Variants in SLC45A4 observed in about 807,000 individuals in gnomAD.
SLC45A4 encodes solute carrier family 45 member 4.
SLC45A4 carries 32 observed loss-of-function variants against 63.7 expected under a neutral mutation model. That is an observed-to-expected ratio of 0.50 (90% CI 0.38 to 0.67). The LOEUF (loss-of-function observed/expected upper bound fraction) is 0.67, where lower values mean the gene tolerates loss of function less well. Among genes scored for constraint, SLC45A4 ranks in the 30% least tolerant of loss-of-function variants. SLC45A4 has a pLI of 0.00. For synonymous variants in SLC45A4, 535 were observed against 510.0 expected, an observed-to-expected ratio of 1.05 and a Z score of -0.66; for missense variants, 1,027 against 1,157.7, an observed-to-expected ratio of 0.89 and a Z score of 1.64.
intron 1 of SLC45A4, among the ~76,000 whole-genome samples, chr8:141,279,424 G>A (rs73366483): frequency 0.028 from 4,292 of 152,272 alleles, 238 homozygotes; most frequent in African/African-American, 0.099. Flanking sequence ...GCAATCCCAC[G>A]GACCACATCT....
Position 141,308,281 on chromosome 8 carries a change from G to A in SLC45A4, c.-586C>T, listed in dbSNP as rs1397597925. 2 of 147,782 alleles carry A rather than the reference G, an allele frequency of 1.4e-5. No homozygotes were observed. Among genetic ancestry groups the A allele is most frequent in the Non-Finnish European group, 3.0e-5 (2 of 66,172 alleles). 9.2% of individuals were successfully genotyped at this position (147,782 alleles called of 1,614,324 possible). ...GACGCGGGCGCGGAGAGAGCGCTGC[G>A]AGGCTGCGGCCGGCGCGCGGAGACA... On this transcript the variant is annotated 5_prime_UTR_variant, in exon 1 of 9. Transcript: ENST00000517878.
intron 3 of SLC45A4, among the ~76,000 whole-genome samples, chr8:141,220,824 G>A (rs1203131360): frequency 6.6e-6 from 1 of 152,268 alleles, no homozygotes; most frequent in Non-Finnish European, 1.5e-5. Context: ...CGTTGTTCCA[G>A]CAGGGAGGGG....
chr8:141,216,830 T>C (rs967449136), intron 6 of SLC45A4, among the ~76,000 whole-genome samples: 13 of 152,220 alleles, frequency 8.5e-5, no homozygotes, highest in African/African-American at 3.1e-4. Flanking sequence ...GACAGCATCA[T>C]GGGACCGCAC....
At chr8:141,289,290 G>A (rs12547559) in intron 1 of SLC45A4, among the ~76,000 whole-genome samples, 41,809 of 152,054 alleles carry the variant, frequency 0.27, 6,164 homozygotes, top group South Asian at 0.33. Context: ...TTGTACTTTT[G>A]TCCTTTTTAG....
chr8:141,218,124 T>C lies in SLC45A4; in HGVS notation c.1516A>G (p.Arg506Gly). Residue 506 changes from arginine to glycine, a missense_variant, in exon 5 of 9, where the codon AGG becomes GGG. Coordinates refer to ENST00000517878, the MANE Select transcript of SLC45A4 (RefSeq NM_001286646.2). ...CAGAGGCACAGCCGCATCAGCTCCC[T>C]GGGCATCTTCAGCATGGAGAGCCAC... The part of the protein sequence containing the change: ...LLWLSMLKMP[R>G]ELMRLCLCHL... 6.2e-7 allele frequency: 1 copy of C among 1,611,814 alleles called. No individual in the cohort carries two copies. Among genetic ancestry groups the C allele is most frequent in the Non-Finnish European group, 8.5e-7 (1 of 1,179,954 alleles).
intron 1 of SLC45A4, among the ~76,000 whole-genome samples, chr8:141,294,637 C>T (rs73368321): frequency 0.033 from 5,004 of 152,354 alleles, 142 homozygotes; most frequent in Middle Eastern, 0.085. Flanking sequence ...GTGAGCTCAA[C>T]GTGGCAACCC....
chr8:141,211,492 G>A lies in SLC45A4; in HGVS notation c.*80C>T, dbSNP rs756920379. On this transcript the variant is annotated 3_prime_UTR_variant, in exon 9 of 9. Transcript: ENST00000517878. ...GGACCAGCCTCCTCCCAGCTTTGGT[G>A]TGCGGTCGCTGCCCAAGGACAGGGC... is the stretch of plus-strand genomic sequence containing the variant. The A allele has an allele frequency of 1.2e-6, 2 of 1,608,000 alleles. No homozygotes were observed. Among genetic ancestry groups the A allele is most frequent in the African/African-American group, 2.7e-5 (2 of 74,778 alleles).
intron 2 of SLC45A4, among the ~76,000 whole-genome samples, chr8:141,237,217 G>A (rs984013834): frequency 4.6e-5 from 7 of 152,114 alleles, no homozygotes; most frequent in Admixed American, 6.6e-5. Flanking sequence ...AGGCAGAATC[G>A]CTCAGGTTTC....
At chr8:141,296,831 A>G in intron 1 of SLC45A4, among the ~76,000 whole-genome samples, 1 of 82,344 alleles carries the variant, frequency 1.2e-5, no homozygotes, top group Admixed American at 1.7e-4. Flanking sequence ...GCGAGACTCC[A>G]TTGCCAAAAA....
rs1307795334 is a variant in SLC45A4, at chr8:141,308,185, G to A, written c.-490C>T. ...GGGGGCGCGGAGCCCCGGGCGCACC[G>A]GGGTCGGGAGGCGGCTGCGGGTCCG... On this transcript the variant is annotated 5_prime_UTR_variant, in exon 1 of 9. Coordinates refer to ENST00000517878, the MANE Select transcript of SLC45A4 (RefSeq NM_001286646.2). 6.8e-6 allele frequency: 1 copy of A among 146,970 alleles called. No individual in the cohort carries two copies. The highest frequency in any genetic ancestry group is 1.5e-5 in the Non-Finnish European group (1 of 65,788). 9.1% of individuals were successfully genotyped at this position (146,970 alleles called of 1,614,324 possible).
At chr8:141,245,063 G>A (rs565232764) in intron 2 of SLC45A4, among the ~76,000 whole-genome samples, 6 of 151,952 alleles carry the variant, frequency 3.9e-5, no homozygotes, top group African/African-American at 1.4e-4. Flanking sequence ...GTGTGAGGCA[G>A]GCCCTCGACA....
intron 2 of SLC45A4, among the ~76,000 whole-genome samples, 175 bp from the exon 3 acceptor site, chr8:141,221,940 T>A (rs773488082): frequency 6.6e-6 from 1 of 152,250 alleles, no homozygotes; most frequent in African/African-American, 2.4e-5. Flanking sequence ...CCAGATGACC[T>A]GAAATCAACC....
intron 2 of SLC45A4, among the ~76,000 whole-genome samples, chr8:141,243,746 C>T (rs1828026394): frequency 6.6e-6 from 1 of 152,058 alleles, no homozygotes; most frequent in Admixed American, 6.5e-5. Flanking sequence ...CAGCAAGACC[C>T]CCGCTCCTGA....
intron 8 of SLC45A4, 180 bp downstream of exon 8, chr8:141,212,017 C>G: frequency 1.5e-6 from 2 of 1,328,794 alleles, no homozygotes; most frequent in Non-Finnish European, 1.9e-6. Flanking sequence ...CTCAAACCTA[C>G]CCTACGACTA....
intron 1 of SLC45A4, among the ~76,000 whole-genome samples, chr8:141,295,606 G>A (rs531101486): frequency 7.2e-5 from 11 of 152,292 alleles, no homozygotes; most frequent in African/African-American, 2.4e-4. Context: ...CAGCACCCAG[G>A]GGGACGCAGA....
At chr8:141,270,293 G>A (rs1829464629) in intron 1 of SLC45A4, among the ~76,000 whole-genome samples, 1 of 151,778 alleles carries the variant, frequency 6.6e-6, no homozygotes, top group African/African-American at 2.4e-5. Context: ...TTGGGAGGCT[G>A]AGGAAGGAGG....
intron 1 of SLC45A4, among the ~76,000 whole-genome samples, chr8:141,257,899 G>A (rs926554944): frequency 2.0e-5 from 3 of 152,072 alleles, no homozygotes; most frequent in Non-Finnish European, 4.4e-5. Flanking sequence ...ATAGGAAAAC[G>A]GCTTTCTTTA....
At chr8:141,282,154 C>T (rs1829976917) in intron 1 of SLC45A4, among the ~76,000 whole-genome samples, 2 of 152,168 alleles carry the variant, frequency 1.3e-5, no homozygotes, top group South Asian at 4.1e-4. Context: ...CTCAGGACGT[C>T]GAGGATGGAA....
chr8:141,266,128 C>T lies in SLC45A4; in HGVS notation c.-400-11499G>A, dbSNP rs192351081. Among the ~76,000 whole-genome samples the T allele has an allele frequency of 3.9e-5, 6 of 152,318 alleles. No homozygotes were observed. In the East Asian group the frequency reaches 5.8e-4, roughly 15 times the overall value. On this transcript the variant is annotated intron_variant, in intron 1 of 8. Transcript: ENST00000517878. ...ACAGCACAGTCCCAGCGTTCAACAG[C>T]GACAGGAGAATTCCGTGAGCCATGC... is the stretch of plus-strand genomic sequence containing the variant.
Sources: allele counts gnomAD v4.1 joint callset (sites outside exome capture counted in the v4.1 genomes callset), GRCh38; gene constraint gnomAD v4.1.1; transcripts MANE v1.5; gene names NCBI Gene and HGNC (gene_info 2026-07-23, HGNC 2026-07-21).